Variants in GUCA1A observed in about 807,000 individuals in gnomAD.
GUCA1A encodes guanylate cyclase activator 1A.
A neutral mutation model predicts 18.5 loss-of-function variants in GUCA1A; 14 were observed. That is an observed-to-expected ratio of 0.76 (90% CI 0.50 to 1.18). The LOEUF (loss-of-function observed/expected upper bound fraction) is 1.18, where lower values mean the gene tolerates loss of function less well. Ranked by LOEUF, GUCA1A falls within the 50% of genes most tolerant of loss-of-function variation. GUCA1A has a pLI of 0.00. For synonymous variants in GUCA1A, 97 were observed against 100.2 expected (o/e 0.97, Z 0.19); for missense variants, 264 against 262.4 (o/e 1.01, Z -0.04).
Position 42,173,488 on chromosome 6 carries a change from G to GCT in GUCA1A, c.-124_-123dup, listed in dbSNP as rs1241956200. Reference sequence around the variant, plus strand: ...CATCTGATCCATCAGGCCCTTCTTTGCTCAGGCCTGAAGGACTCAGGCCTG... The same window carrying GCT: ...CATCTGATCCATCAGGCCCTTCTTTGCTCTCAGGCCTGAAGGACTCAGGCCTG... On this transcript the variant is annotated 5_prime_UTR_variant, in exon 1 of 4. Transcript: ENST00000372958. 3 of 743,570 alleles carry GCT rather than the reference G, an allele frequency of 4.0e-6. No individual in the cohort carries two copies. In the African/African-American group the frequency reaches 5.2e-5, roughly 13 times the overall value. 46.1% of individuals were successfully genotyped at this position (743,570 alleles called of 1,614,324 possible). A position where few individuals can be genotyped will look rare whatever the true frequency, so the allele number is the denominator to read the frequency against.
At position 42,173,643 on chromosome 6, in the gene GUCA1A, G is replaced by A. The variant is rs753084533; in HGVS notation, c.30G>A (p.Val10=). The change falls in exon 1 of 4, where the codon GTG becomes GTA. Residue 10 remains valine, a synonymous_variant. Coordinates refer to ENST00000372958, the MANE Select transcript of GUCA1A (RefSeq NM_001384910.1). MGNVMEGKS[V]EELSSTECHQ... ...GCAACGTGATGGAGGGAAAGTCAGTGGAGGAGCTGAGCAGCACCGAGTGCC... is the reference window on the plus strand; with the variant it reads ...GCAACGTGATGGAGGGAAAGTCAGTAGAGGAGCTGAGCAGCACCGAGTGCC... 6.2e-7 allele frequency: 1 copy of A among 1,614,146 alleles called. No homozygotes were observed. The highest frequency in any genetic ancestry group is 1.1e-5 in the South Asian group (1 of 91,086).
At position 42,179,415 on chromosome 6, in the gene GUCA1A, G is replaced by C. The variant is rs1372734835; in HGVS notation, c.*12G>C. 3 of 1,569,656 alleles carry C rather than the reference G, an allele frequency of 1.9e-6. No individual in the cohort carries two copies. The highest frequency in any genetic ancestry group is 1.4e-5 in the African/African-American group (1 of 74,052). On this transcript the variant is annotated 3_prime_UTR_variant, in exon 4 of 4. Transcript: ENST00000372958. Reference sequence around the variant, plus strand: ...AGGCAGCCGGCTGAGTGCACCGCCCGGCTGCTTCTGCACTAGCGGGTGGGG... The same window carrying C: ...AGGCAGCCGGCTGAGTGCACCGCCCCGCTGCTTCTGCACTAGCGGGTGGGG...
At chr6:42,177,120 T>G (rs563439711) in intron 1 of GUCA1A, among the ~76,000 whole-genome samples, 110 of 152,290 alleles carry the variant, frequency 7.2e-4, no homozygotes, top group African/African-American at 2.1e-3. Flanking sequence ...TGTCTGGGCT[T>G]GGGTTTGTCT....
chr6:42,178,039 T>C (rs1223260727), intron 1 of GUCA1A, among the ~76,000 whole-genome samples: 2 of 152,168 alleles, frequency 1.3e-5, no homozygotes, highest in Non-Finnish European at 2.9e-5. Flanking sequence ...GCTGGCTTAT[T>C]AGATTTGATT....
chr6:42,178,664 C>T, intron 2 of GUCA1A, 138 bp from the exon 3 acceptor site: 1 of 834,550 alleles, frequency 1.2e-6, no homozygotes, highest in Non-Finnish European at 2.1e-6. Flanking sequence ...AGTCCCAGCT[C>T]TGCCTAGGCC....
rs768157565 is a variant in GUCA1A, at chr6:42,173,809, A to T, written c.196A>T (p.Asn66Tyr). 3.7e-6 allele frequency: 6 copies of T among 1,612,880 alleles called. No homozygotes were observed. In the Admixed American group the frequency reaches 1.0e-4, roughly 27 times the overall value. Residue 66 changes from asparagine to tyrosine, a missense_variant, in exon 1 of 4, where the codon AAC becomes TAC. Physicochemically the swap from Asn to Tyr is moderately radical, Grantham distance 143. Transcript: ENST00000372958. ...ACAGATGTTTGAGACTTTTGACTTC[A>T]ACAAGGTGAGCAGGGGCCCAGTGGC... ...VEQMFETFDFNKDGYIDFMEY... is the reference protein window; with the variant it reads ...VEQMFETFDFYKDGYIDFMEY...
chr6:42,178,185 C>T, intron 1 of GUCA1A, 95 bp from the exon 2 acceptor site: 2 of 1,453,768 alleles, frequency 1.4e-6, no homozygotes, highest in Non-Finnish European at 1.9e-6. Flanking sequence ...TGGGGCTTGC[C>T]GAGATGGGCG....
intron 3 of GUCA1A, 44 bp downstream of exon 3, chr6:42,178,939 G>A: frequency 7.1e-7 from 1 of 1,412,734 alleles, no homozygotes; most frequent in Non-Finnish European, 1.0e-6. Flanking sequence ...GGGTCACCAT[G>A]GATGTGGGGT....
chr6:42,178,194 C>G (rs1025237190), intron 1 of GUCA1A, 86 bp from the exon 2 acceptor site: 2 of 1,506,424 alleles, frequency 1.3e-6, no homozygotes, highest in Non-Finnish European at 1.8e-6. Context: ...CCGAGATGGG[C>G]GGAGCCTTGG....
rs745750078 is a variant in GUCA1A, at chr6:42,178,356, G to A, written c.278G>A (p.Arg93His). ...AAGGGGAAGGTGGAACAGAAGCTCC[G>A]CTGGTACTTCAAGCTCTATGATGTA... ...VLKGKVEQKLRWYFKLYDVDG... is the reference protein window; with the variant it reads ...VLKGKVEQKLHWYFKLYDVDG... The change falls in exon 2 of 4, where the codon CGC becomes CAC. Residue 93 changes from arginine (R) to histidine (H), a missense_variant. Physicochemically the swap from Arg to His is conservative, Grantham distance 29 (BLOSUM62 0). Coordinates refer to ENST00000372958, the MANE Select transcript of GUCA1A (RefSeq NM_001384910.1). The A allele has an allele frequency of 1.9e-6, 3 of 1,613,584 alleles. No homozygotes were observed. Among genetic ancestry groups the A allele is most frequent in the Non-Finnish European group, 2.5e-6 (3 of 1,179,604 alleles).
In GUCA1A at chr6:42,179,548, G is replaced by A. The variant is rs1768064544; in HGVS notation, c.*145G>A. On this transcript the variant is annotated 3_prime_UTR_variant, in exon 4 of 4. Coordinates refer to ENST00000372958, the MANE Select transcript of GUCA1A (RefSeq NM_001384910.1). ...TAGGGTCCATGGTGGCAGCAGAGAGGCAGAAGTGGGAGTCCAGAGCCAGGA... is the reference window on the plus strand; with the variant it reads ...TAGGGTCCATGGTGGCAGCAGAGAGACAGAAGTGGGAGTCCAGAGCCAGGA... 3 of 662,224 alleles carry A rather than the reference G, an allele frequency of 4.5e-6. No individual in the cohort carries two copies. The highest frequency in any genetic ancestry group is 7.5e-6 in the Non-Finnish European group (3 of 399,560). 41.0% of individuals were successfully genotyped at this position (662,224 alleles called of 1,614,324 possible).
chr6:42,177,752 G>A (rs1336926149), intron 1 of GUCA1A, among the ~76,000 whole-genome samples: 5 of 152,214 alleles, frequency 3.3e-5, no homozygotes. Flanking sequence ...TGGGAGGTGG[G>A]TTGGGACTGA....
chr6:42,178,616 C>T (rs1768025676), intron 2 of GUCA1A, 186 bp from the exon 3 acceptor site: 2 of 809,996 alleles, frequency 2.5e-6, no homozygotes, highest in Non-Finnish European at 4.3e-6. Flanking sequence ...CCTCAGTTTC[C>T]TCATCAATAC....
intron 1 of GUCA1A, among the ~76,000 whole-genome samples, chr6:42,174,055 A>C (rs1159272194): frequency 6.6e-6 from 1 of 152,196 alleles, no homozygotes; most frequent in Non-Finnish European, 1.5e-5. Context: ...TTAGAAATGT[A>C]TCAGACATTG....
chr6:42,178,905 C>T lies in GUCA1A; in HGVS notation c.445+10C>T. On this transcript the variant is annotated intron_variant, in intron 3 of 3. Coordinates refer to ENST00000372958, the MANE Select transcript of GUCA1A (RefSeq NM_001384910.1). ...GACGTCAACGGGGATGGTGAGGGGG[C>T]CGAGGAGGGGCTCCCCAGCGGAGGG... 2 of 1,595,998 alleles carry T rather than the reference C, an allele frequency of 1.3e-6. No homozygotes were observed. Among genetic ancestry groups the T allele is most frequent in the Non-Finnish European group, 1.7e-6 (2 of 1,163,562 alleles).
rs752746099 is a variant in GUCA1A, at chr6:42,178,439, G to A, written c.351+10G>A. ...GCTCACCATCATCCAGGTGCAGAGG[G>A]CCCGGCCAGGGCTGGGGGCAGCGGT... On this transcript the variant is annotated intron_variant, in intron 2 of 3. Coordinates refer to ENST00000372958, the MANE Select transcript of GUCA1A (RefSeq NM_001384910.1). The A allele has an allele frequency of 6.2e-7, 1 of 1,612,598 alleles. No individual in the cohort carries two copies. The highest frequency in any genetic ancestry group is 1.7e-5 in the Admixed American group (1 of 60,028).
chr6:42,178,318 C>T lies in GUCA1A; in HGVS notation c.240C>T (p.Leu80=), dbSNP rs1241470429. 2.5e-6 allele frequency: 4 copies of T among 1,614,076 alleles called. No individual in the cohort carries two copies. The Admixed American group carries it at 6.7e-5, about 27-fold the overall frequency. ...ATTTCATGGAGTACGTGGCAGCGCT[C>T]AGCTTGGTCCTCAAGGGGAAGGTGG... ...YIDFMEYVAA[L]SLVLKGKVEQ... Residue 80 remains leucine, a synonymous_variant, in exon 2 of 4, where the codon CTC becomes CTT. Coordinates refer to ENST00000372958, the MANE Select transcript of GUCA1A (RefSeq NM_001384910.1).
intron 2 of GUCA1A, 33 bp from the exon 3 acceptor site, chr6:42,178,769 C>A: frequency 6.8e-7 from 1 of 1,478,872 alleles, no homozygotes; most frequent in Non-Finnish European, 9.5e-7. Flanking sequence ...TAAGGATGGG[C>A]CCCTCTCACT....
At chr6:42,174,452 T>C (rs1026916673) in intron 1 of GUCA1A, among the ~76,000 whole-genome samples, 7 of 152,204 alleles carry the variant, frequency 4.6e-5, no homozygotes, top group Admixed American at 2.0e-4. Context: ...TGACCTCATA[T>C]CACCTTTTCT....
Sources: allele counts gnomAD v4.1 joint callset (sites outside exome capture counted in the v4.1 genomes callset), GRCh38; gene constraint gnomAD v4.1.1; transcripts MANE v1.5; gene names NCBI Gene and HGNC (gene_info 2026-07-23, HGNC 2026-07-21).